ARL15: variants seen among roughly 807,000 people sequenced by gnomAD.
ARL15 encodes the protein ARF like GTPase 15.
Under a neutral mutation model 25.2 loss-of-function variants are expected in ARL15, and 19 were observed. The observed-to-expected ratio is 0.75, with a 90% CI of 0.53 to 1.10. The LOEUF is 1.10. Among genes scored for constraint, ARL15 ranks in the 50% least tolerant of loss-of-function variants. The pLI is 0.00. For missense variants in ARL15, 220 were observed against 246.0 expected (o/e 0.89, Z 0.71); for synonymous variants, 94 against 86.8 (o/e 1.08, Z -0.46).
intron 4 of ARL15, among the ~76,000 whole-genome samples, chr5:53,984,408 T>C (rs1748222309): frequency 6.6e-6 from 1 of 152,158 alleles, no homozygotes; most frequent in Admixed American, 6.6e-5. Flanking sequence ...CTTTTTCCTT[T>C]GCTTTCAATC....
rs115172847 is a variant in ARL15 at position 54,028,564 on chromosome 5, C to A, written c.462+84638G>T. 5.2e-3 allele frequency among the ~76,000 whole-genome samples: 792 copies of A among 150,958 alleles called. 3 individuals carry two copies. Among genetic ancestry groups the A allele is most frequent in the Admixed American group, 0.011 (167 of 15,178 alleles). On this transcript the variant is annotated intron_variant, in intron 4 of 4. Transcript: ENST00000504924. Reference sequence around the variant, plus strand: ...GCAATAACATTTTCTAAGTTTCTAGCAAAGTGTTAGTTTCCTTAGATTTTT... The same window carrying A: ...GCAATAACATTTTCTAAGTTTCTAGAAAAGTGTTAGTTTCCTTAGATTTTT...
rs890692448 is a variant in ARL15 at position 54,244,519 on chromosome 5, C to T, written c.48+65913G>A. Reference sequence around the variant, plus strand: ...TATACACCCAAAAGTTTTTCTAAAACGGGAAAAAAAGGTGAAATCACAAAA... The same window carrying T: ...TATACACCCAAAAGTTTTTCTAAAATGGGAAAAAAAGGTGAAATCACAAAA... On this transcript the variant is annotated intron_variant, in intron 1 of 4. Coordinates refer to ENST00000504924, the MANE Select transcript of ARL15 (RefSeq NM_019087.3). 6.6e-5 allele frequency among the ~76,000 whole-genome samples: 10 copies of T among 151,912 alleles called. No homozygotes were observed. The South Asian group carries it at 1.0e-3, about 16-fold the overall frequency.
chr5:54,249,014 G>A (rs1487219311), intron 1 of ARL15, among the ~76,000 whole-genome samples: 1 of 152,064 alleles, frequency 6.6e-6, no homozygotes, highest in Non-Finnish European at 1.5e-5. Context: ...GTCAACCTGG[G>A]CACTGCAGTG....
chr5:53,946,455 G>A (rs1165355170), intron 4 of ARL15, among the ~76,000 whole-genome samples: 12 of 43,960 alleles, frequency 2.7e-4, no homozygotes, highest in East Asian at 8.0e-4. Context: ...GTCTCAAGAG[G>A]AAAAAAAAAA....
intron 4 of ARL15, among the ~76,000 whole-genome samples, chr5:54,070,530 C>T (rs982794096): frequency 6.6e-6 from 1 of 152,084 alleles, no homozygotes; most frequent in African/African-American, 2.4e-5. Context: ...GGCTTCCCAG[C>T]CTCCAGGACT....
chr5:53,948,569 T>A (rs900662470), intron 4 of ARL15, among the ~76,000 whole-genome samples: 1 of 152,218 alleles, frequency 6.6e-6, no homozygotes, highest in Non-Finnish European at 1.5e-5. Flanking sequence ...AACTATTAGT[T>A]TATGCTGTTG....
chr5:53,975,591 C>A (rs1006716083), intron 4 of ARL15, among the ~76,000 whole-genome samples: 1 of 152,200 alleles, frequency 6.6e-6, no homozygotes, highest in Non-Finnish European at 1.5e-5. Context: ...TACTTGCTGG[C>A]TTTATTTGAC....
At chr5:53,916,643 C>A (rs1264025366) in intron 4 of ARL15, among the ~76,000 whole-genome samples, 1 of 152,066 alleles carries the variant, frequency 6.6e-6, no homozygotes, top group African/African-American at 2.4e-5. Context: ...GGCTGCCCAG[C>A]AAATACACAG....
At chr5:54,224,439 C>T (rs969122401) in intron 1 of ARL15, among the ~76,000 whole-genome samples, 4 of 152,094 alleles carry the variant, frequency 2.6e-5, no homozygotes, top group Admixed American at 6.5e-5. Context: ...GTGCAATAGG[C>T]GGAATTAGAG....
intron 2 of ARL15, among the ~76,000 whole-genome samples, chr5:54,164,484 G>A (rs997949171): frequency 5.3e-5 from 8 of 151,656 alleles, no homozygotes. Context: ...TGTAATTGTG[G>A]GTTTGTACAT....
At chr5:54,004,912 T>C (rs960377459) in intron 4 of ARL15, among the ~76,000 whole-genome samples, 3 of 152,216 alleles carry the variant, frequency 2.0e-5, no homozygotes, top group African/African-American at 7.2e-5. Context: ...CATATTATGT[T>C]TTCTGCTAAC....
At chr5:54,031,681 T>C (rs186237630) in intron 4 of ARL15, among the ~76,000 whole-genome samples, 418 of 152,284 alleles carry the variant, frequency 2.7e-3, no homozygotes, top group African/African-American at 9.6e-3. Flanking sequence ...TTCCAAAATA[T>C]ACCACCATTC....
intron 4 of ARL15, chr5:54,048,042 T>C (rs1750579671): frequency 6.6e-6 from 1 of 152,228 alleles, no homozygotes; most frequent in South Asian, 2.1e-4. Flanking sequence ...CAGGCTAGAG[T>C]GCAGTAGCTA....
chr5:54,151,360 T>C (rs1422255839), intron 3 of ARL15, among the ~76,000 whole-genome samples: 1 of 152,184 alleles, frequency 6.6e-6, no homozygotes, highest in African/African-American at 2.4e-5. Context: ...TTCCCTTTCA[T>C]TTCATTATTT....
At chr5:53,937,464 C>A (rs1294669016) in intron 4 of ARL15, among the ~76,000 whole-genome samples, 1 of 152,170 alleles carries the variant, frequency 6.6e-6, no homozygotes, top group Admixed American at 6.5e-5. Context: ...CAAATAAGTA[C>A]AGTCACGTGT....
chr5:54,077,409 C>T (rs540668298), intron 4 of ARL15, among the ~76,000 whole-genome samples: 3 of 152,250 alleles, frequency 2.0e-5, no homozygotes, highest in Admixed American at 6.5e-5. Context: ...ATAGCAGTGG[C>T]TATGAAATTT....
Position 54,164,821 on chromosome 5 carries a change from C to T in ARL15, c.193+6963G>A, listed in dbSNP as rs544337862. ...TTTTAAAAAAATCTATTATATCAACCTCTGTCTCTTAATTAAGGAGTCTAG... is the reference window on the plus strand; with the variant it reads ...TTTTAAAAAAATCTATTATATCAACTTCTGTCTCTTAATTAAGGAGTCTAG... On this transcript the variant is annotated intron_variant, in intron 2 of 4. Transcript: ENST00000504924. 2.0e-5 allele frequency among the ~76,000 whole-genome samples: 3 copies of T among 151,778 alleles called. No homozygotes were observed. The East Asian group carries it at 5.8e-4, about 29-fold the overall frequency.
intron 4 of ARL15, among the ~76,000 whole-genome samples, chr5:53,997,734 C>T (rs1396241002): frequency 6.6e-6 from 1 of 151,956 alleles, no homozygotes; most frequent in African/African-American, 2.4e-5. Context: ...CAGAACAATT[C>T]CACTTTAATC....
intron 4 of ARL15, among the ~76,000 whole-genome samples, chr5:54,003,874 G>A (rs924144904): frequency 3.9e-5 from 6 of 152,074 alleles, no homozygotes; most frequent in South Asian, 2.1e-4. Flanking sequence ...AAAAGTAAGC[G>A]TATCAGTCAG....
Sources: allele counts gnomAD v4.1 joint callset (sites outside exome capture counted in the v4.1 genomes callset), GRCh38; gene constraint gnomAD v4.1.1; transcripts MANE v1.5; gene names NCBI Gene and HGNC (gene_info 2026-07-23, HGNC 2026-07-21).